TRAT1: variants seen among roughly 807,000 people sequenced by gnomAD.
The protein encoded by TRAT1 is T-cell receptor-associated transmembrane adapter 1.
Under a neutral mutation model 20.0 loss-of-function variants are expected in TRAT1, and 20 were observed. The observed-to-expected ratio is 1.00, with a 90% confidence interval of 0.70 to 1.45. The LOEUF (loss-of-function observed/expected upper bound fraction) is 1.45. Ranked by LOEUF, TRAT1 falls within the 40% of genes most tolerant of loss-of-function variation. The pLI is 0.00. For synonymous variants in TRAT1, 77 were observed against 74.2 expected, an observed-to-expected ratio of 1.04 and a Z score of -0.20; for missense variants, 237 against 224.1, an observed-to-expected ratio of 1.06 and a Z score of -0.37.
At chr3:108,844,325 T>TC (rs2107513582) in intron 3 of TRAT1, among the ~76,000 whole-genome samples, 1 of 151,960 alleles carries the variant, frequency 6.6e-6, no homozygotes, top group East Asian at 1.9e-4. Flanking sequence ...AGTGATTTTT[T>TC]TTTTTTTTTT....
chr3:108,843,330 G>C (rs62266465), intron 3 of TRAT1, among the ~76,000 whole-genome samples: 3 of 152,090 alleles, frequency 2.0e-5, no homozygotes, highest in Non-Finnish European at 4.4e-5. Flanking sequence ...AAGAGATTGA[G>C]ATAATCCTGG....
chr3:108,853,566 A>G (rs1946016443), intron 5 of TRAT1, 54 bp from the exon 6 acceptor site: 2 of 1,553,132 alleles, frequency 1.3e-6, no homozygotes, highest in Admixed American at 1.9e-5. Flanking sequence ...AAATTTCCAG[A>G]AGTCAAGCTA....
chr3:108,839,004 C>T, intron 3 of TRAT1, 37 bp downstream of exon 3: 1 of 1,505,150 alleles, frequency 6.6e-7, no homozygotes, highest in Non-Finnish European at 9.3e-7. Flanking sequence ...TGATTCCCAA[C>T]TAATAAGCAA....
At chr3:108,834,125 T>C (rs1304768875) in intron 2 of TRAT1, among the ~76,000 whole-genome samples, 2 of 152,220 alleles carry the variant, frequency 1.3e-5, no homozygotes, top group Non-Finnish European at 2.9e-5. Flanking sequence ...CCCTGAGCTT[T>C]AGCACTAAAT....
At chr3:108,840,080 G>C (rs1945879577) in intron 3 of TRAT1, among the ~76,000 whole-genome samples, 1 of 151,934 alleles carries the variant, frequency 6.6e-6, no homozygotes, top group Admixed American at 6.6e-5. Context: ...AAGAACATAA[G>C]CCTTTTTGGT....
At chr3:108,838,294 T>C (rs1400957456) in intron 2 of TRAT1, among the ~76,000 whole-genome samples, 2 of 152,034 alleles carry the variant, frequency 1.3e-5, no homozygotes, top group Admixed American at 1.3e-4. Context: ...TTTATGTTGT[T>C]ACTCATGCCA....
intron 5 of TRAT1, among the ~76,000 whole-genome samples, chr3:108,850,494 G>A (rs1443976495): frequency 5.3e-5 from 8 of 151,962 alleles, no homozygotes; most frequent in Non-Finnish European, 8.8e-5. Context: ...TAGTAGAGAC[G>A]GGGTTTCACC....
At chr3:108,833,363 A>G (rs1945811843) in intron 2 of TRAT1, among the ~76,000 whole-genome samples, 1 of 152,162 alleles carries the variant, frequency 6.6e-6, no homozygotes, top group Non-Finnish European at 1.5e-5. Flanking sequence ...GGTTGCCATG[A>G]GCTGAAATAG....
chr3:108,830,527 G>C (rs1218232284), intron 1 of TRAT1, 143 bp from the exon 2 acceptor site: 3 of 572,104 alleles, frequency 5.2e-6, no homozygotes, highest in Middle Eastern at 2.9e-4. Flanking sequence ...ACTGAAAAAA[G>C]TTATGAATAT....
rs138823910 is a variant in TRAT1 at position 108,827,912 on chromosome 3, T to C, written c.8-2758T>C. 5.3e-3 allele frequency among the ~76,000 whole-genome samples: 804 copies of C among 152,300 alleles called. 6 individuals are homozygous for C. The highest frequency in any genetic ancestry group is 0.018 in the African/African-American group (760 of 41,572). ...TCCCAAAAACTTTTAGTGTAGCATA[T>C]AGGCTTGTGATATTGATTAGGTTGT... is the stretch of plus-strand genomic sequence containing the variant. On this transcript the variant is annotated intron_variant, in intron 1 of 5. Coordinates refer to ENST00000295756, the MANE Select transcript of TRAT1 (RefSeq NM_016388.4).
intron 4 of TRAT1, 71 bp downstream of exon 4, chr3:108,847,200 G>A (rs866121766): frequency 7.6e-5 from 70 of 918,364 alleles, no homozygotes; most frequent in African/African-American, 5.1e-4. Context: ...TTTAAGTGGC[G>A]CTTTAAAAAA....
At chr3:108,837,753 A>C (rs138464457) in intron 2 of TRAT1, among the ~76,000 whole-genome samples, 2 of 152,284 alleles carry the variant, frequency 1.3e-5, no homozygotes, top group African/African-American at 4.8e-5. Context: ...AAATATAATA[A>C]ACATTGTGCT....
At chr3:108,851,060 A>C (rs944307803) in intron 5 of TRAT1, among the ~76,000 whole-genome samples, 7 of 152,236 alleles carry the variant, frequency 4.6e-5, no homozygotes, top group African/African-American at 1.7e-4. Flanking sequence ...AATTAGAGGT[A>C]ATATCTTCGT....
At chr3:108,825,619 T>C (rs1247777698) in intron 1 of TRAT1, among the ~76,000 whole-genome samples, 1 of 152,124 alleles carries the variant, frequency 6.6e-6, no homozygotes, top group Non-Finnish European at 1.5e-5. Flanking sequence ...GCAGTGTTTT[T>C]AAGGAAAGTC....
chr3:108,827,554 A>G (rs1945753248), intron 1 of TRAT1, among the ~76,000 whole-genome samples: 1 of 152,128 alleles, frequency 6.6e-6, no homozygotes, highest in Admixed American at 6.6e-5. Context: ...TGTGAAAGAT[A>G]TTAAGAATGT....
At position 108,831,533 on chromosome 3, in the gene TRAT1, G is replaced by A. The variant is rs1006195925; in HGVS notation, c.118+753G>A. Reference sequence around the variant, plus strand: ...AATGAAAGTTCAAATATTGCTGGAAGGTATCTTTTTTTTTTTTTTTTTTTG... The same window carrying A: ...AATGAAAGTTCAAATATTGCTGGAAAGTATCTTTTTTTTTTTTTTTTTTTG... On this transcript the variant is annotated intron_variant, in intron 2 of 5. Coordinates refer to ENST00000295756, the MANE Select transcript of TRAT1 (RefSeq NM_016388.4). 1.3e-4 allele frequency among the ~76,000 whole-genome samples: 19 copies of A among 149,946 alleles called. No individual in the cohort carries two copies. In the Middle Eastern group the frequency reaches 0.014, roughly 110 times the overall value.
chr3:108,824,780 TG>T (rs1391262608), intron 1 of TRAT1, among the ~76,000 whole-genome samples: 4 of 152,200 alleles, frequency 2.6e-5, no homozygotes, highest in Non-Finnish European at 5.9e-5. Flanking sequence ...ATTTTTCTAG[TG>T]CCCTGCAAGA....
intron 1 of TRAT1, among the ~76,000 whole-genome samples, chr3:108,829,975 A>C (rs1202573396): frequency 1.3e-5 from 2 of 152,184 alleles, no homozygotes; most frequent in African/African-American, 4.8e-5. Flanking sequence ...TTATTCCAGG[A>C]GGCATTGTTA....
At chr3:108,851,628 T>TA (rs33945029) in intron 5 of TRAT1, among the ~76,000 whole-genome samples, 176 of 146,386 alleles carry the variant, frequency 1.2e-3, no homozygotes, top group Non-Finnish European at 1.6e-3. Context: ...CCTCCAATAT[T>TA]AAAAAAAAAA....
Sources: gnomAD v4.1 joint callset for allele counts (sites outside exome capture counted in the v4.1 genomes callset) on GRCh38, gnomAD v4.1.1 for gene constraint, MANE v1.5 for transcripts, NCBI Gene and HGNC (gene_info 2026-07-23, HGNC 2026-07-21) for gene names.